PRH1: variants seen among roughly 807,000 people sequenced by gnomAD.
The protein encoded by PRH1 is proline rich protein HaeIII subfamily 1, also known as salivary acidic proline-rich phosphoprotein 1/2.
Under a neutral mutation model 7.9 loss-of-function variants are expected in PRH1, and 7 were observed. The ratio of observed to expected loss-of-function variants is 0.89; its 90% CI spans 0.50 to 1.67. The LOEUF (loss-of-function observed/expected upper bound fraction) is 1.67. Among genes scored for constraint, PRH1 ranks in the 40% most tolerant of loss-of-function variants. PRH1 has a pLI of 0.00. For missense variants in PRH1, 109 were observed against 223.6 expected (o/e 0.49, Z 3.27); for synonymous variants, 45 against 80.8 (o/e 0.56, Z 2.38).
intron 2 of PRH1, among the ~76,000 whole-genome samples, chr12:10,954,528 C>T (rs562257664): frequency 4.4e-4 from 67 of 152,166 alleles, no homozygotes; most frequent in Admixed American, 1.2e-3. Context: ...AGTGCAGTGG[C>T]GCAATCTCAG....
At chr12:11,043,276 G>C (rs909357460) in intron 1 of PRH1, among the ~76,000 whole-genome samples, 1 of 152,086 alleles carries the variant, frequency 6.6e-6, no homozygotes, top group African/African-American at 2.4e-5. Flanking sequence ...TCAGAAATCT[G>C]AATATAGAAG....
At chr12:10,977,739 A>G (rs1939169795) in intron 1 of PRH1, among the ~76,000 whole-genome samples, 1 of 152,212 alleles carries the variant, frequency 6.6e-6, no homozygotes, top group Non-Finnish European at 1.5e-5. Flanking sequence ...ATGTACAAAA[A>G]TTAGTAACAT....
chr12:11,000,186 A>G (rs1940517654), intron 1 of PRH1, among the ~76,000 whole-genome samples: 1 of 152,140 alleles, frequency 6.6e-6, no homozygotes, highest in African/African-American at 2.4e-5. Flanking sequence ...CGCTATTTGC[A>G]TATATCTTAT....
chr12:11,048,798 C>T (rs917792906), upstream of PRH1: 9 of 297,412 alleles, frequency 3.0e-5, no homozygotes, highest in African/African-American at 2.0e-4. Context: ...CTTTTGTCCA[C>T]ACACTCTCAC....
intron 2 of PRH1, among the ~76,000 whole-genome samples, chr12:10,926,521 C>T (rs1950125727): frequency 6.6e-6 from 1 of 152,264 alleles, no homozygotes; most frequent in Middle Eastern, 3.4e-3. Flanking sequence ...GTTTGAAGCA[C>T]AAGGGTGATA....
chr12:10,882,747 C>T, intron 2 of PRH1, 49 bp from the exon 3 acceptor site: 1 of 1,599,226 alleles, frequency 6.3e-7, no homozygotes, highest in South Asian at 1.1e-5. Flanking sequence ...GAAAACCCTC[C>T]TGTCTTCATA....
At chr12:11,126,257 T>C (rs543206554) in intron 1 of PRH1, among the ~76,000 whole-genome samples, 1 of 152,348 alleles carries the variant, frequency 6.6e-6, no homozygotes, top group African/African-American at 2.4e-5. Context: ...GTTGTTACAA[T>C]AATCACTCTT....
At chr12:11,057,943 A>C (rs1162471724) in intron 1 of PRH1, among the ~76,000 whole-genome samples, 2 of 152,248 alleles carry the variant, frequency 1.3e-5, no homozygotes, top group African/African-American at 4.8e-5. Context: ...CATCATGCTA[A>C]TTTAATATAT....
intron 1 of PRH1, among the ~76,000 whole-genome samples, chr12:11,115,500 A>C (rs537622875): frequency 1.3e-5 from 2 of 152,308 alleles, no homozygotes; most frequent in Admixed American, 6.5e-5. Context: ...TCCAGACAGA[A>C]AATCAACAAA....
chr12:11,138,361 T>C (rs955544026), intron 1 of PRH1, among the ~76,000 whole-genome samples: 1 of 152,180 alleles, frequency 6.6e-6, no homozygotes, highest in Admixed American at 6.5e-5. Flanking sequence ...CTAAATATGT[T>C]TTACACCTTA....
chr12:11,030,443 C>G (rs3759246), intron 1 of PRH1: 28,185 of 1,337,622 alleles, frequency 0.021, no homozygotes, highest in East Asian at 0.13. Context: ...CACCCAGTAC[C>G]TCACTTGCCG....
chr12:11,084,621 C>G, intron 1 of PRH1, among the ~76,000 whole-genome samples: 1 of 84,010 alleles, frequency 1.2e-5, no homozygotes, highest in South Asian at 3.4e-4. Context: ...ATAATTTTTA[C>G]CTTTAATATT....
intron 1 of PRH1, among the ~76,000 whole-genome samples, chr12:10,883,473 AG>A (rs1010352181): frequency 6.6e-6 from 1 of 152,048 alleles, no homozygotes; most frequent in African/African-American, 2.4e-5. Flanking sequence ...GTAAACCCTT[AG>A]CGCTTATTTA....
At chr12:10,961,343 A>G (rs1292329755) in intron 2 of PRH1, among the ~76,000 whole-genome samples, 1 of 151,014 alleles carries the variant, frequency 6.6e-6, no homozygotes, top group Admixed American at 6.6e-5. Context: ...TGATAAAATC[A>G]GAAGATGGCA....
intron 1 of PRH1, among the ~76,000 whole-genome samples, chr12:11,086,565 TG>T (rs66520630): frequency 0.43 from 60,524 of 139,314 alleles, 14,556 homozygotes; most frequent in Non-Finnish European, 0.51. Flanking sequence ...CATATAACTA[TG>T]ATGTGAGACT....
intron 2 of PRH1, among the ~76,000 whole-genome samples, chr12:10,921,272 G>C (rs1369189229): frequency 1.3e-5 from 2 of 151,896 alleles, no homozygotes; most frequent in African/African-American, 4.8e-5. Context: ...TTTAAACTTA[G>C]TAAAAGTTTT....
chr12:11,135,984 T>TA (rs1364610534), intron 1 of PRH1, among the ~76,000 whole-genome samples: 1 of 152,020 alleles, frequency 6.6e-6, no homozygotes, highest in African/African-American at 2.4e-5. Context: ...AAATGGGAAA[T>TA]ACCGCAGTGT....
intron 1 of PRH1, among the ~76,000 whole-genome samples, chr12:11,101,927 G>C (rs1018898039): frequency 6.6e-6 from 1 of 152,024 alleles, no homozygotes; most frequent in Admixed American, 6.6e-5. Context: ...CAAATCATGA[G>C]TGAACTCCCA....
intron 2 of PRH1, among the ~76,000 whole-genome samples, chr12:10,932,503 CT>C (rs1950228559): frequency 6.6e-6 from 1 of 152,062 alleles, no homozygotes; most frequent in Non-Finnish European, 1.5e-5. Context: ...TCTCTGTCTT[CT>C]TAGCTCGAAT....
Sources: gnomAD v4.1 joint callset for allele counts (sites outside exome capture counted in the v4.1 genomes callset) on GRCh38, gnomAD v4.1.1 for gene constraint, MANE v1.5 for transcripts, NCBI Gene and HGNC (gene_info 2026-07-23, HGNC 2026-07-21) for gene names.